ERG: variants seen among roughly 807,000 people sequenced by gnomAD.
ERG encodes the protein transcriptional regulator ERG.
A neutral mutation model predicts 55.3 loss-of-function variants in ERG; 9 were observed. The observed-to-expected ratio is 0.16, with a 90% CI of 0.10 to 0.28. The LOEUF (loss-of-function observed/expected upper bound fraction) is 0.28. ERG is among the 10% of genes least tolerant of loss of function. ERG has a pLI of 1.00. For missense variants in ERG, 434 were observed against 631.6 expected, an observed-to-expected ratio of 0.69 and a Z score of 3.35; for synonymous variants, 223 against 237.3, an observed-to-expected ratio of 0.94 and a Z score of 0.55.
Position 38,603,872 on chromosome 21 carries a change from G to C in ERG, c.-149-18927C>G, listed in dbSNP as rs2060179808. ...TAAAGTGTCCTTTATTTGCTGAAAT[G>C]CTGATGAAATTAGAGAATAGAGGTT... is the stretch of plus-strand genomic sequence containing the variant. On this transcript the variant is annotated intron_variant, in intron 1 of 10. Coordinates refer to the ERG transcript ENST00000398910. 1.3e-5 allele frequency among the ~76,000 whole-genome samples: 2 copies of C among 151,968 alleles called. 1 individual carries two copies. The highest frequency in any genetic ancestry group is 4.8e-5 in the African/African-American group (2 of 41,260).
At chr21:38,615,989 C>T (rs777315875) in intron 1 of ERG, among the ~76,000 whole-genome samples, 2 of 152,030 alleles carry the variant, frequency 1.3e-5, no homozygotes, top group Non-Finnish European at 2.9e-5. Context: ...AATTTGTAAT[C>T]CCCACGTGTC....
At chr21:38,561,023 G>GT (rs930106851) in intron 2 of ERG, among the ~76,000 whole-genome samples, 5 of 151,568 alleles carry the variant, frequency 3.3e-5, no homozygotes, top group Non-Finnish European at 5.9e-5. Context: ...AAAATGTGGG[G>GT]TTTTTTTTAA....
At chr21:38,492,756 C>T (rs1354695600) in intron 1 of ERG, among the ~76,000 whole-genome samples, 4 of 151,938 alleles carry the variant, frequency 2.6e-5, no homozygotes, top group African/African-American at 9.7e-5. Flanking sequence ...CATGTCTTGG[C>T]CAAGCTCAGT....
intron 1 of ERG, among the ~76,000 whole-genome samples, chr21:38,452,202 C>A (rs1293051770): frequency 6.6e-6 from 1 of 152,164 alleles, no homozygotes; most frequent in Non-Finnish European, 1.5e-5. Flanking sequence ...TAGTCCAGTG[C>A]TAAGAAATGA....
intron 1 of ERG, among the ~76,000 whole-genome samples, chr21:38,577,915 C>T (rs1230395613): frequency 6.6e-6 from 1 of 152,244 alleles, no homozygotes; most frequent in East Asian, 1.9e-4. Flanking sequence ...CCAGGCTGAC[C>T]TGTGGCTGCC....
At chr21:38,659,551 A>G (rs1442484655) in intron 1 of ERG, among the ~76,000 whole-genome samples, 1 of 152,248 alleles carries the variant, frequency 6.6e-6, no homozygotes, top group Admixed American at 6.5e-5. Context: ...AAAGGTAAAT[A>G]AACTCTGTGT....
chr21:38,580,660 C>G (rs939903569), intron 1 of ERG, among the ~76,000 whole-genome samples: 2 of 151,526 alleles, frequency 1.3e-5, no homozygotes, highest in African/African-American at 2.4e-5. Flanking sequence ...TTAACAATAA[C>G]AGAATTCTAC....
chr21:38,528,438 T>TTTTTG, intron 2 of ERG, among the ~76,000 whole-genome samples: 1 of 19,134 alleles, frequency 5.2e-5, no homozygotes, highest in Non-Finnish European at 1.2e-4. Context: ...GCAAACTTTT[T>TTTTTG]TTTTTTTTTT....
chr21:38,494,370 C>T (rs148092221), intron 1 of ERG, among the ~76,000 whole-genome samples: 2 of 152,314 alleles, frequency 1.3e-5, no homozygotes, highest in Middle Eastern at 3.4e-3. Flanking sequence ...AACTCTCATC[C>T]GTCTGGCTTC....
chr21:38,555,806 A>G (rs1005768086), intron 2 of ERG, among the ~76,000 whole-genome samples: 2 of 152,220 alleles, frequency 1.3e-5, no homozygotes, highest in African/African-American at 2.4e-5. Flanking sequence ...ATACAATAAC[A>G]AATATTGGCA....
intron 2 of ERG, among the ~76,000 whole-genome samples, chr21:38,503,851 C>G (rs1222914758): frequency 2.0e-5 from 3 of 152,070 alleles, no homozygotes; most frequent in Non-Finnish European, 4.4e-5. Context: ...CTGCAGCAGT[C>G]GGAGGATTTG....
intron 1 of ERG, among the ~76,000 whole-genome samples, chr21:38,453,593 G>A (rs1039159929): frequency 1.8e-4 from 27 of 152,118 alleles, no homozygotes; most frequent in African/African-American, 6.5e-4. Flanking sequence ...TTAAAGAATC[G>A]CTTTTTTGGC....
At chr21:38,517,920 T>G (rs946544621) in intron 2 of ERG, among the ~76,000 whole-genome samples, 1 of 151,910 alleles carries the variant, frequency 6.6e-6, no homozygotes. Flanking sequence ...GTCATGGAGA[T>G]AGAGAGTGGA....
chr21:38,637,882 C>T (rs1456634347), intron 1 of ERG, among the ~76,000 whole-genome samples: 1 of 152,088 alleles, frequency 6.6e-6, no homozygotes, highest in East Asian at 1.9e-4. Flanking sequence ...GGGGTTCCCA[C>T]TTGCCCATTA....
At chr21:38,525,559 GAC>G (rs1202191578) in intron 2 of ERG, among the ~76,000 whole-genome samples, 1 of 152,142 alleles carries the variant, frequency 6.6e-6, no homozygotes, top group Non-Finnish European at 1.5e-5. Context: ...ACCGAGCCAA[GAC>G]ACAGAGTTGC....
At chr21:38,627,651 TG>T (rs1371621696) in intron 1 of ERG, among the ~76,000 whole-genome samples, 1 of 152,184 alleles carries the variant, frequency 6.6e-6, no homozygotes, top group African/African-American at 2.4e-5. Flanking sequence ...ATGGCTGTTA[TG>T]GGGAAAGATT....
At chr21:38,378,365 T>G (rs1160558997), downstream of ERG, among the ~76,000 whole-genome samples, 1 of 152,262 alleles carries the variant, frequency 6.6e-6, no homozygotes, top group African/African-American at 2.4e-5. Flanking sequence ...GGACAAAGGC[T>G]GACCATTCCA....
chr21:38,556,899 T>A (rs1469850791), intron 2 of ERG, among the ~76,000 whole-genome samples: 1 of 152,178 alleles, frequency 6.6e-6, no homozygotes, highest in African/African-American at 2.4e-5. Flanking sequence ...GCTATTAGCC[T>A]ACCCTGATTA....
chr21:38,653,139 C>A (rs2060498240), intron 1 of ERG, among the ~76,000 whole-genome samples: 1 of 152,160 alleles, frequency 6.6e-6, no homozygotes, highest in Admixed American at 6.5e-5. Context: ...GGCATTCTTG[C>A]TCACCTCCCT....
Sources: allele counts gnomAD v4.1 joint callset (sites outside exome capture counted in the v4.1 genomes callset), GRCh38; gene constraint gnomAD v4.1.1; transcripts MANE v1.5; gene names NCBI Gene and HGNC (gene_info 2026-07-23, HGNC 2026-07-21).